TRAPPC14: variants seen among roughly 807,000 people sequenced by gnomAD.
The protein encoded by TRAPPC14 is trafficking protein particle complex subunit 14, also known as microtubule associated protein 11.
TRAPPC14 carries 24 observed loss-of-function variants against 56.6 expected under a neutral mutation model. The ratio of observed to expected loss-of-function variants is 0.42; its 90% confidence interval spans 0.31 to 0.60. The LOEUF (loss-of-function observed/expected upper bound fraction) is 0.60, where lower values mean the gene tolerates loss of function less well. TRAPPC14 is among the 20% of genes least tolerant of loss of function. The probability of loss-of-function intolerance (pLI) is 0.14; values close to 1 mark genes in which losing one functional copy is unlikely to be tolerated. For synonymous variants in TRAPPC14, 377 were observed against 347.0 expected, an observed-to-expected ratio of 1.09 and a Z score of -0.96; for missense variants, 615 against 790.3, an observed-to-expected ratio of 0.78 and a Z score of 2.66.
At position 100,158,137 on chromosome 7, in the gene TRAPPC14, G is replaced by C. The variant is rs373792233; in HGVS notation, c.363C>G (p.Pro121=). Residue 121 remains proline (P), a synonymous_variant, in exon 1 of 11, where the codon CCC becomes CCG. Transcript: ENST00000316937. ...CAGGGCCCGGGCCGTGGGTGAGAAGGGGGCTGCAGCCTCGGAACAAACCCC... is the reference window on the plus strand; with the variant it reads ...CAGGGCCCGGGCCGTGGGTGAGAAGCGGGCTGCAGCCTCGGAACAAACCCC... ...GGGGLFRGCS[P]LLTHGPGPAT... is the part of the protein sequence containing the mutation. The C allele has an allele frequency of 6.7e-7, 1 of 1,493,678 alleles. No homozygotes were observed. Among genetic ancestry groups the C allele is most frequent in the Admixed American group, 2.4e-5 (1 of 42,528 alleles). 92.5% of individuals were successfully genotyped at this position (1,493,678 alleles called of 1,614,324 possible). A position where few individuals can be genotyped will look rare whatever the true frequency, so the allele number is the denominator to read the frequency against.
Position 100,154,822 on chromosome 7 carries a change from C to T in TRAPPC14, c.*189G>A, listed in dbSNP as rs1374430797. 4 of 628,864 alleles carry T rather than the reference C, an allele frequency of 6.4e-6. No individual in the cohort carries two copies. Among genetic ancestry groups the T allele is most frequent in the Non-Finnish European group, 1.1e-5 (4 of 357,136 alleles). 39.0% of individuals were successfully genotyped at this position (628,864 alleles called of 1,614,324 possible). A position where few individuals can be genotyped will look rare whatever the true frequency, so the allele number is the denominator to read the frequency against. On this transcript the variant is annotated 3_prime_UTR_variant, in exon 11 of 11. Transcript: ENST00000316937. ...CTCGGGGAATACTGGTGGCTTAGTC[C>T]CAGCCATGCCCGCCCACTTCACAGC...
At position 100,157,658 on chromosome 7, in the gene TRAPPC14, GC is replaced by G; in HGVS notation, c.611del (p.Gly204AlafsTer10). The G allele has an allele frequency of 6.2e-7, 1 of 1,614,192 alleles. No homozygotes were observed. The highest frequency in any genetic ancestry group is 8.5e-7 in the Non-Finnish European group (1 of 1,180,036). ...QTRSPGETFRGEQSAFKAQVS... is the reference protein window; with the variant it reads ...QTRSPGETFRXEQSAFKAQVS... ...CTTGGGCCTTGAAAGCGCTCTGCTC[GC>G]CCCGGAATGTCTCCCCAGGAGATCG... is the stretch of plus-strand genomic sequence containing the variant. On this transcript the variant is annotated frameshift_variant, in exon 3 of 11. Coordinates refer to ENST00000316937, the MANE Select transcript of TRAPPC14 (RefSeq NM_018275.5). LOFTEE classifies it high-confidence loss of function.
rs1200876463 is a variant in TRAPPC14, at chr7:100,158,669, C to G, written c.-170G>C. 9 of 543,738 alleles carry G rather than the reference C, an allele frequency of 1.7e-5. No homozygotes were observed. Among genetic ancestry groups the G allele is most frequent in the Non-Finnish European group, 2.5e-5 (9 of 357,252 alleles). The allele number at this position is 543,738 out of a possible 1,614,324, so 33.7% of individuals were successfully genotyped here. A position where few individuals can be genotyped will look rare whatever the true frequency, so the allele number is the denominator to read the frequency against. On this transcript the variant is annotated 5_prime_UTR_variant, in exon 1 of 11. Coordinates refer to ENST00000316937, the MANE Select transcript of TRAPPC14 (RefSeq NM_018275.5). Reference sequence around the variant, plus strand: ...CGGGGCAACGAACCCGAACCGAGACCCGGCAGCGCCGGAACCGGGGTACTG... The same window carrying G: ...CGGGGCAACGAACCCGAACCGAGACGCGGCAGCGCCGGAACCGGGGTACTG...
In TRAPPC14 at chr7:100,156,863, G is replaced by A. The variant is rs1798891284; in HGVS notation, c.975C>T (p.Pro325=). 6.2e-7 allele frequency: 1 copy of A among 1,614,010 alleles called. No individual in the cohort carries two copies. The change falls in exon 6 of 11, where the codon CCC becomes CCT. Residue 325 remains proline, a synonymous_variant. Coordinates refer to ENST00000316937, the MANE Select transcript of TRAPPC14 (RefSeq NM_018275.5). The part of the protein sequence containing the change: ...FLFQLRGGEQ[P]PPGAKEGLEV... The stretch of plus-strand genomic sequence containing the variant: ...TGCTCACCTCCTTGGCCCCTGGAGG[G>A]GGCTGCTCACCCCCTCTCAGCTGAA...
chr7:100,155,229 C>A, intron 10 of TRAPPC14, 33 bp downstream of exon 10: 1 of 1,595,026 alleles, frequency 6.3e-7, no homozygotes, highest in Non-Finnish European at 8.5e-7. Context: ...CCATCCTCTA[C>A]CCGGTCCCAT....
Position 100,154,835 on chromosome 7 carries a change from C to A in TRAPPC14, c.*176G>T, listed in dbSNP as rs922081216. The stretch of plus-strand genomic sequence containing the variant: ...GGTGGCTTAGTCCCAGCCATGCCCG[C>A]CCACTTCACAGCTTCTTCCCCCATC... On this transcript the variant is annotated 3_prime_UTR_variant, in exon 11 of 11. Transcript: ENST00000316937. 1.5e-6 allele frequency: 1 copy of A among 653,128 alleles called. No individual in the cohort carries two copies. Among genetic ancestry groups the A allele is most frequent in the South Asian group, 1.9e-5 (1 of 53,912 alleles). 40.5% of individuals were successfully genotyped at this position (653,128 alleles called of 1,614,324 possible).
intron 10 of TRAPPC14, 33 bp downstream of exon 10, chr7:100,155,229 C>G (rs1041880663): frequency 1.9e-6 from 3 of 1,595,026 alleles, no homozygotes; most frequent in Non-Finnish European, 2.6e-6. Flanking sequence ...CCATCCTCTA[C>G]CCGGTCCCAT....
chr7:100,157,244 T>C, intron 4 of TRAPPC14, 30 bp from the exon 5 acceptor site: 2 of 1,614,004 alleles, frequency 1.2e-6, no homozygotes, highest in Non-Finnish European at 1.7e-6. Context: ...TGGCTCAGAA[T>C]AGCTGGACCC....
chr7:100,155,006 C>T lies in TRAPPC14; in HGVS notation c.*5G>A, dbSNP rs367958254. The T allele has an allele frequency of 5.1e-5, 82 of 1,614,044 alleles. No homozygotes were observed. In the African/African-American group the frequency reaches 7.7e-4, roughly 15 times the overall value. ...AGTGTAAGAGGGAACAGAGCTGGCACGGTGCTACTTGACGGGTTCCACCAC... is the reference window on the plus strand; with the variant it reads ...AGTGTAAGAGGGAACAGAGCTGGCATGGTGCTACTTGACGGGTTCCACCAC... On this transcript the variant is annotated 3_prime_UTR_variant, in exon 11 of 11. Coordinates refer to ENST00000316937, the MANE Select transcript of TRAPPC14 (RefSeq NM_018275.5).
At position 100,154,910 on chromosome 7, in the gene TRAPPC14, C is replaced by T. The variant is rs561939019; in HGVS notation, c.*101G>A. On this transcript the variant is annotated 3_prime_UTR_variant, in exon 11 of 11. Coordinates refer to ENST00000316937, the MANE Select transcript of TRAPPC14 (RefSeq NM_018275.5). ...CAGCTCTGCCAGGCCTCTTCACCCC[C>T]GTCTGGGAGGCATCCCAGGGGAGGC... 25 of 1,202,042 alleles carry T rather than the reference C, an allele frequency of 2.1e-5. No individual in the cohort carries two copies. Among genetic ancestry groups the T allele is most frequent in the African/African-American group, 1.0e-4 (7 of 67,246 alleles). 74.5% of individuals were successfully genotyped at this position (1,202,042 alleles called of 1,614,324 possible). A position where few individuals can be genotyped will look rare whatever the true frequency, so the allele number is the denominator to read the frequency against.
chr7:100,157,957 T>A lies in TRAPPC14; in HGVS notation c.412-19A>T, dbSNP rs1798918873. 5.2e-6 allele frequency: 8 copies of A among 1,528,310 alleles called. No individual in the cohort carries two copies. Among genetic ancestry groups the A allele is most frequent in the Non-Finnish European group, 6.2e-6 (7 of 1,137,042 alleles). The allele number at this position is 1,528,310 out of a possible 1,614,324, so 94.7% of individuals were successfully genotyped here. On this transcript the variant is annotated intron_variant, in intron 1 of 10. Coordinates refer to ENST00000316937, the MANE Select transcript of TRAPPC14 (RefSeq NM_018275.5). ...CAGGCAGCTGGGGTTGGGAAAGGGG[T>A]GAAGAGGTCAGGAGCAAGTCAGAGG...
chr7:100,155,613 C>G, intron 9 of TRAPPC14, 58 bp downstream of exon 9: 3 of 1,529,096 alleles, frequency 2.0e-6, no homozygotes, highest in Non-Finnish European at 2.6e-6. Context: ...GGTCCTGCCT[C>G]CGTCCACCCC....
intron 9 of TRAPPC14, 30 bp from the exon 10 acceptor site, chr7:100,155,485 C>A: frequency 6.6e-7 from 1 of 1,515,424 alleles, no homozygotes; most frequent in East Asian, 2.3e-5. Context: ...AGCATGCCAG[C>A]TCGGCTTCCA....
At chr7:100,155,540 G>C in intron 9 of TRAPPC14, 85 bp from the exon 10 acceptor site, 2 of 1,500,616 alleles carry the variant, frequency 1.3e-6, no homozygotes, top group Non-Finnish European at 1.8e-6. Context: ...GTGACAGACT[G>C]ATGTCAAATC....
intron 4 of TRAPPC14, 70 bp from the exon 5 acceptor site, chr7:100,157,284 C>T (rs764346300): frequency 2.3e-5 from 37 of 1,613,046 alleles, no homozygotes; most frequent in Non-Finnish European, 3.0e-5. Context: ...CAGAAAAAAC[C>T]GGACCTACCC....
chr7:100,157,748 C>T lies in TRAPPC14; in HGVS notation c.522G>A (p.Val174=). Residue 174 remains valine, a synonymous_variant, in exon 3 of 11, where the codon GTG becomes GTA. Transcript: ENST00000316937. The part of the protein sequence containing the change: ...GTPKAKIVVT[V]WKREIEAPEV... ...CTGGTGCCTCAATCTCCCGCTTCCA[C>T]ACAGTCACTACAATCTGTCAAGAGG... 6.2e-7 allele frequency: 1 copy of T among 1,614,230 alleles called. No homozygotes were observed. The highest frequency in any genetic ancestry group is 2.2e-5 in the East Asian group (1 of 44,896).
Position 100,154,911 on chromosome 7 carries a change from G to C in TRAPPC14, c.*100C>G, listed in dbSNP as rs3185927. 1 of 1,214,978 alleles carries C rather than the reference G, an allele frequency of 8.2e-7. No individual in the cohort carries two copies. Among genetic ancestry groups the C allele is most frequent in the Non-Finnish European group, 1.2e-6 (1 of 823,600 alleles). 75.3% of individuals were successfully genotyped at this position (1,214,978 alleles called of 1,614,324 possible). A position where few individuals can be genotyped will look rare whatever the true frequency, so the allele number is the denominator to read the frequency against. On this transcript the variant is annotated 3_prime_UTR_variant, in exon 11 of 11. Coordinates refer to ENST00000316937, the MANE Select transcript of TRAPPC14 (RefSeq NM_018275.5). ...AGCTCTGCCAGGCCTCTTCACCCCC[G>C]TCTGGGAGGCATCCCAGGGGAGGCA...
rs376201818 is a variant in TRAPPC14, at chr7:100,155,050, C to T, written c.1704G>A (p.Lys568=). 2 of 1,614,034 alleles carry T rather than the reference C, an allele frequency of 1.2e-6. No homozygotes were observed. Among genetic ancestry groups the T allele is most frequent in the African/African-American group, 2.7e-5 (2 of 74,916 alleles). The part of the protein sequence containing the change: ...KAVLSLDKIA[K]RECKVLVVEP... ...CCACCACCAGGACCTTGCACTCGCG[C>T]TTGGCAATCTTGTCCAGAGACAACA... Residue 568 remains lysine (K), a synonymous_variant, in exon 11 of 11, where the codon AAG becomes AAA. Transcript: ENST00000316937.
In TRAPPC14 at chr7:100,158,565, G is replaced by A; in HGVS notation, c.-66C>T. 2 of 1,305,664 alleles carry A rather than the reference G, an allele frequency of 1.5e-6. No homozygotes were observed. Among genetic ancestry groups the A allele is most frequent in the Non-Finnish European group, 9.7e-7 (1 of 1,029,066 alleles). The allele number at this position is 1,305,664 out of a possible 1,614,324, so 80.9% of individuals were successfully genotyped here. On this transcript the variant is annotated 5_prime_UTR_variant, in exon 1 of 11. Transcript: ENST00000316937. ...GCCGACCGCCGGCGGGGCCCGCTAG[G>A]GTGGGTCCAGAGGGTCCCGACACCT...
Sources: gnomAD v4.1 joint callset for allele counts on GRCh38, gnomAD v4.1.1 for gene constraint, MANE v1.5 for transcripts, NCBI Gene and HGNC (gene_info 2026-07-23, HGNC 2026-07-21) for gene names.